ZNF536: variants seen among roughly 807,000 people sequenced by gnomAD.
The protein encoded by ZNF536 is zinc finger protein 536.
Under a neutral mutation model 84.5 loss-of-function variants are expected in ZNF536, and 13 were observed. That is an observed-to-expected ratio of 0.15 (90% CI 0.10 to 0.24). The LOEUF is 0.24. ZNF536 is among the 10% of genes least tolerant of loss of function. The probability of loss-of-function intolerance (pLI) is 1.00; values close to 1 mark genes in which losing one functional copy is unlikely to be tolerated. For synonymous variants in ZNF536, 811 were observed against 742.5 expected (o/e 1.09, Z -1.50); for missense variants, 1,536 against 1,747.5 (o/e 0.88, Z 2.16).
chr19:30,672,349 C>G (rs1299469788), intron 1 of ZNF536, among the ~76,000 whole-genome samples: 2 of 152,158 alleles, frequency 1.3e-5, no homozygotes, highest in East Asian at 1.9e-4. Flanking sequence ...AAGTTGGTAC[C>G]CTTACATGCA....
At chr19:30,244,513 A>G (rs1055487966) in intron 1 of ZNF536, among the ~76,000 whole-genome samples, 2 of 152,244 alleles carry the variant, frequency 1.3e-5, no homozygotes, top group Non-Finnish European at 2.9e-5. Context: ...TTGGAGAAGC[A>G]TGCTAATATT....
chr19:30,471,430 T>C (rs1259085454), intron 2 of ZNF536, among the ~76,000 whole-genome samples: 7 of 152,210 alleles, frequency 4.6e-5, no homozygotes, highest in Admixed American at 4.6e-4. Context: ...AAATAGAACA[T>C]TAAACCAAAT....
intron 2 of ZNF536, among the ~76,000 whole-genome samples, chr19:30,447,655 CT>C: frequency 6.6e-6 from 1 of 152,188 alleles, no homozygotes; most frequent in Non-Finnish European, 1.5e-5. Flanking sequence ...TAGATCCCTA[CT>C]TGAGAGGCAG....
At chr19:30,238,889 A>T (rs1177571344) in intron 1 of ZNF536, among the ~76,000 whole-genome samples, 2 of 152,104 alleles carry the variant, frequency 1.3e-5, no homozygotes, top group Non-Finnish European at 2.9e-5. Flanking sequence ...TAATTTGCAT[A>T]CTGGTGTATA....
chr19:30,230,855 C>T (rs1342871948), intron 1 of ZNF536, among the ~76,000 whole-genome samples: 1 of 152,158 alleles, frequency 6.6e-6, no homozygotes, highest in Admixed American at 6.5e-5. Flanking sequence ...ACAGCCTTCC[C>T]CAAATGTGGT....
intron 1 of ZNF536, among the ~76,000 whole-genome samples, chr19:30,630,366 A>G (rs981202358): frequency 1.3e-5 from 2 of 152,076 alleles, no homozygotes; most frequent in Non-Finnish European, 2.9e-5. Context: ...TCAGTAAATA[A>G]AGCAACCCAA....
At chr19:30,657,859 G>A (rs1660109509) in intron 1 of ZNF536, among the ~76,000 whole-genome samples, 1 of 152,078 alleles carries the variant, frequency 6.6e-6, no homozygotes, top group Non-Finnish European at 1.5e-5. Context: ...CCTTCCATCT[G>A]CACCCTGAGG....
chr19:30,267,574 T>A (rs865801264), intron 1 of ZNF536, among the ~76,000 whole-genome samples: 1 of 152,090 alleles, frequency 6.6e-6, no homozygotes, highest in Non-Finnish European at 1.5e-5. Context: ...CCTGGCATCA[T>A]GGGAAGGAGG....
At chr19:30,303,896 C>G (rs1004036659) in intron 2 of ZNF536, among the ~76,000 whole-genome samples, 3 of 152,166 alleles carry the variant, frequency 2.0e-5, no homozygotes, top group African/African-American at 7.2e-5. Flanking sequence ...ACGACTCTGC[C>G]TGGGTGTGTC....
intron 1 of ZNF536, among the ~76,000 whole-genome samples, chr19:30,266,222 A>AT (rs1258596571): frequency 6.6e-6 from 1 of 151,642 alleles, no homozygotes; most frequent in Non-Finnish European, 1.5e-5. Flanking sequence ...CTAATTTTTA[A>AT]TTTTTTTTGT....
chr19:30,656,771 A>C (rs1488434459), intron 1 of ZNF536, among the ~76,000 whole-genome samples: 1 of 152,320 alleles, frequency 6.6e-6, no homozygotes, highest in African/African-American at 2.4e-5. Flanking sequence ...AAGGCCACCA[A>C]GCCAGTGTCA....
chr19:30,410,081 T>C (rs550197549), intron 1 of ZNF536, among the ~76,000 whole-genome samples: 1 of 152,186 alleles, frequency 6.6e-6, no homozygotes, highest in African/African-American at 2.4e-5. Context: ...AGTTCGTACA[T>C]GGTGTTTTCT....
At chr19:30,441,626 G>A (rs1280934982) in intron 1 of ZNF536, among the ~76,000 whole-genome samples, 2 of 152,166 alleles carry the variant, frequency 1.3e-5, no homozygotes, top group East Asian at 1.9e-4. Context: ...CCTCCAAAAT[G>A]GGCCCGCGTA....
chr19:30,568,705 C>A (rs1395344314), intron 1 of ZNF536, among the ~76,000 whole-genome samples: 1 of 152,218 alleles, frequency 6.6e-6, no homozygotes, highest in Non-Finnish European at 1.5e-5. Flanking sequence ...GGGACACTGG[C>A]AATGCCCAGC....
chr19:30,481,516 G>T (rs1275178101), intron 2 of ZNF536, among the ~76,000 whole-genome samples: 1 of 152,142 alleles, frequency 6.6e-6, no homozygotes, highest in Non-Finnish European at 1.5e-5. Flanking sequence ...ACCCTGGTAT[G>T]TTAAAATTTA....
At chr19:30,498,818 T>C (rs936536335) in intron 2 of ZNF536, among the ~76,000 whole-genome samples, 1 of 151,962 alleles carries the variant, frequency 6.6e-6, no homozygotes, top group Non-Finnish European at 1.5e-5. Context: ...TTTGGGTCAG[T>C]CACTCCTAGG....
chr19:30,493,284 T>A (rs1478050414), intron 2 of ZNF536, among the ~76,000 whole-genome samples: 3 of 152,078 alleles, frequency 2.0e-5, no homozygotes, highest in Admixed American at 2.0e-4. Flanking sequence ...TTAGCTGACA[T>A]TTTAGGGAAC....
At chr19:30,555,049 C>T (rs1034551245) in intron 4 of ZNF536, 3 of 152,278 alleles carry the variant, frequency 2.0e-5, no homozygotes, top group African/African-American at 7.2e-5. Flanking sequence ...GAAGCCACAC[C>T]TCTGTCTATG....
Position 30,303,138 on chromosome 19 carries a change from G to A in ZNF536, c.-120+18997G>A, listed in dbSNP as rs143357028. The stretch of plus-strand genomic sequence containing the variant: ...GAAGCTCCCAGGAGCTCCTAGATGG[G>A]TGATGGGTTTCTGAGGCTCGGCTGG... On this transcript the variant is annotated intron_variant, in intron 2 of 5. Transcript: ENST00000585628. Among the ~76,000 whole-genome samples the A allele has an allele frequency of 4.7e-3, 719 of 152,304 alleles. 8 individuals are homozygous for A. The highest frequency in any genetic ancestry group is 0.017 in the African/African-American group (693 of 41,558).
Sources: gnomAD v4.1 joint callset for allele counts (sites outside exome capture counted in the v4.1 genomes callset) on GRCh38, gnomAD v4.1.1 for gene constraint, MANE v1.5 for transcripts, NCBI Gene and HGNC (gene_info 2026-07-23, HGNC 2026-07-21) for gene names.